The following SPINDOC variants were observed in gnomAD, a reference collection of about 807,000 sequenced individuals.
SPINDOC encodes spindlin interactor and repressor of chromatin-binding protein.
A neutral mutation model predicts 30.7 loss-of-function variants in SPINDOC; 13 were observed. That is an observed-to-expected ratio of 0.42 (90% CI 0.28 to 0.67). The LOEUF is 0.67. Ranked by LOEUF, SPINDOC falls within the 30% of genes least tolerant of loss-of-function variation. The probability of loss-of-function intolerance (pLI) is 0.22; values close to 1 mark genes in which losing one functional copy is unlikely to be tolerated. For missense variants in SPINDOC, 438 were observed against 518.0 expected (o/e 0.85, Z 1.50); for synonymous variants, 228 against 211.4 (o/e 1.08, Z -0.68).
chr11:63,824,497 T>C (rs2015604377), intron 5 of SPINDOC, among the ~76,000 whole-genome samples: 1 of 152,164 alleles, frequency 6.6e-6, no homozygotes, highest in African/African-American at 2.4e-5. Flanking sequence ...TGGCACAGCG[T>C]AGGCCCGGCT....
At chr11:63,820,398 C>CAAA (rs201624522) in intron 5 of SPINDOC, among the ~76,000 whole-genome samples, 1 of 53,852 alleles carries the variant, frequency 1.9e-5, no homozygotes, top group South Asian at 6.0e-4. Context: ...ACTCTGTCTC[C>CAAA]AAAAAAAAAA....
Position 63,827,161 on chromosome 11 carries a change from G to C in SPINDOC, c.*22G>C, listed in dbSNP as rs978763620. 4 of 1,477,662 alleles carry C rather than the reference G, an allele frequency of 2.7e-6. No individual in the cohort carries two copies. The highest frequency in any genetic ancestry group is 3.7e-6 in the Non-Finnish European group (4 of 1,082,166). The allele number at this position is 1,477,662 out of a possible 1,614,324, so 91.5% of individuals were successfully genotyped here. On this transcript the variant is annotated 3_prime_UTR_variant, in exon 6 of 6. Transcript: ENST00000294244. ...GTAAATTCTTGCTTTCCTGGGGAGG[G>C]AGGGAGGGATGAGGCAGCGTCCCCC...
chr11:63,820,327 G>A (rs2015476179), intron 5 of SPINDOC, among the ~76,000 whole-genome samples: 1 of 150,902 alleles, frequency 6.6e-6, no homozygotes, highest in Non-Finnish European at 1.5e-5. Flanking sequence ...GAACCTGGGA[G>A]GTGGAAGTTG....
At chr11:63,816,433 T>C (rs532395330) in intron 1 of SPINDOC, among the ~76,000 whole-genome samples, 22 of 152,020 alleles carry the variant, frequency 1.4e-4, no homozygotes, top group African/African-American at 4.3e-4. Flanking sequence ...GGAAGACTAG[T>C]AGGGAAGAAA....
In SPINDOC at chr11:63,818,787, C is replaced by T. The variant is rs757325870; in HGVS notation, c.734-15C>T. 2.9e-5 allele frequency: 46 copies of T among 1,613,270 alleles called. No individual in the cohort carries two copies. Among genetic ancestry groups the T allele is most frequent in the Non-Finnish European group, 3.4e-5 (40 of 1,179,986 alleles). Reference sequence around the variant, plus strand: ...GGCTTTTTCACTCACAGTTCCATCCCGTCCTCCCTTCCAGAGCCCCCATCG... The same window carrying T: ...GGCTTTTTCACTCACAGTTCCATCCTGTCCTCCCTTCCAGAGCCCCCATCG... On this transcript the variant is annotated splice_polypyrimidine_tract_variant and intron_variant, in intron 4 of 5. Transcript: ENST00000294244. The surrounding 1 kb of genome is among the most constrained non-coding windows in gnomAD (Gnocchi z 5.3).
In SPINDOC at chr11:63,817,935, C is replaced by T. The variant is rs758802424; in HGVS notation, c.258C>T (p.Ser86=). 6.8e-6 allele frequency: 11 copies of T among 1,613,926 alleles called. No individual in the cohort carries two copies. The highest frequency in any genetic ancestry group is 1.6e-4 in the Middle Eastern group (1 of 6,084). The change falls in exon 2 of 6, where the codon AGC becomes AGT. Residue 86 remains serine, a synonymous_variant. Transcript: ENST00000294244. ...EFLVGSSPGG[S]GRALCMVCGA... is the part of the protein sequence containing the mutation. ...TGGTGGGCAGCAGCCCAGGAGGCAGCGGGCGGGCACTGTGCATGGTGTGTG... is the reference window on the plus strand; with the variant it reads ...TGGTGGGCAGCAGCCCAGGAGGCAGTGGGCGGGCACTGTGCATGGTGTGTG...
chr11:63,827,363 C>T lies in SPINDOC; in HGVS notation c.*224C>T. On this transcript the variant is annotated 3_prime_UTR_variant, in exon 6 of 6. Transcript: ENST00000294244. ...TGGCTGAGGCTGTTGTGCAGTAGGG[C>T]ACTGGGCCTGTGGAGAACACCTACC... 1 of 715,174 alleles carries T rather than the reference C, an allele frequency of 1.4e-6. No homozygotes were observed. Among genetic ancestry groups the T allele is most frequent in the East Asian group, 2.8e-5 (1 of 36,078 alleles). The allele number at this position is 715,174 out of a possible 1,614,324, so 44.3% of individuals were successfully genotyped here.
In SPINDOC at chr11:63,813,795, C is replaced by A; in HGVS notation, c.109C>A (p.Pro37Thr). 1 of 1,578,728 alleles carries A rather than the reference C, an allele frequency of 6.3e-7. No homozygotes were observed. The highest frequency in any genetic ancestry group is 8.6e-7 in the Non-Finnish European group (1 of 1,163,484). ...EAMVVAVIPRPEPMLRVTQQE... is the reference protein window; with the variant it reads ...EAMVVAVIPRTEPMLRVTQQE... ...CATGGTGGTGGCCGTAATTCCGCGG[C>A]CCGAGCCGATGCTCAGAGGTGAGGA... is the stretch of plus-strand genomic sequence containing the variant. The change falls in exon 1 of 6, where the codon CCC (proline) becomes ACC (threonine). Residue 37 changes from proline to threonine, a missense_variant. This residue lies in a region of SPINDOC where 129 missense variants were observed against 152.7 expected (regional missense o/e 0.84). Transcript: ENST00000294244.
rs369432390 is a variant in SPINDOC, at chr11:63,827,096, G to A, written c.1103G>A (p.Ser368Asn). Residue 368 changes from serine to asparagine, a missense_variant, in exon 6 of 6, where the codon AGC becomes AAC. This residue lies in a region of SPINDOC where 300 missense variants were observed against 332.8 expected (regional missense o/e 0.90). Coordinates refer to ENST00000294244, the MANE Select transcript of SPINDOC (RefSeq NM_138471.3). The part of the protein sequence containing the change: ...SDWPTVLSES[S>N]TTVAGKPEKG... ...TGGCCCACAGTTCTGTCAGAATCCA[G>A]CACCACTGTGGCAGGGAAGCCGGAA... 9 of 1,465,832 alleles carry A rather than the reference G, an allele frequency of 6.1e-6. No homozygotes were observed. The highest frequency in any genetic ancestry group is 8.3e-6 in the Non-Finnish European group (9 of 1,088,794). The allele number at this position is 1,465,832 out of a possible 1,614,324, so 90.8% of individuals were successfully genotyped here.
At chr11:63,824,513 G>A (rs750612766) in intron 5 of SPINDOC, among the ~76,000 whole-genome samples, 2 of 152,140 alleles carry the variant, frequency 1.3e-5, no homozygotes, top group Non-Finnish European at 2.9e-5. Flanking sequence ...CGGCTTATGT[G>A]TTTGGTGAAT....
intron 1 of SPINDOC, among the ~76,000 whole-genome samples, chr11:63,814,279 G>A (rs1021128583): frequency 6.2e-4 from 95 of 152,382 alleles, no homozygotes; most frequent in African/African-American, 2.0e-3. Flanking sequence ...ACCTCCAGGA[G>A]AATTTTAAGG....
rs1199168829 is a variant in SPINDOC, at chr11:63,827,332, C to CGAGGGTGGCT, written c.*198_*207dup. 1 of 1,056,348 alleles carries CGAGGGTGGCT rather than the reference C, an allele frequency of 9.5e-7. No homozygotes were observed. Among genetic ancestry groups the CGAGGGTGGCT allele is most frequent in the Non-Finnish European group, 1.3e-6 (1 of 745,958 alleles). 65.4% of individuals were successfully genotyped at this position (1,056,348 alleles called of 1,614,324 possible). On this transcript the variant is annotated 3_prime_UTR_variant, in exon 6 of 6. Coordinates refer to ENST00000294244, the MANE Select transcript of SPINDOC (RefSeq NM_138471.3). The stretch of plus-strand genomic sequence containing the variant: ...TGTTCCTGGCCAGGCCTGAGGTCGG[C>CGAGGGTGGCT]GAGGGTGGCTGAGGCTGTTGTGCAG...
In SPINDOC at chr11:63,818,394, C is replaced by T. The variant is rs778822821; in HGVS notation, c.607+29C>T. The T allele has an allele frequency of 3.5e-5, 56 of 1,610,908 alleles. No homozygotes were observed. Among genetic ancestry groups the T allele is most frequent in the Non-Finnish European group, 4.2e-5 (50 of 1,178,428 alleles). On this transcript the variant is annotated intron_variant, in intron 3 of 5. Coordinates refer to ENST00000294244, the MANE Select transcript of SPINDOC (RefSeq NM_138471.3). The surrounding 1 kb of genome is among the most constrained non-coding windows in gnomAD (Gnocchi z 5.3). ...AGTCAACAGAGAAGCCAGTGAGCCCCGGTGGAGGTGGGGGTTTGGGGACAG... is the reference window on the plus strand; with the variant it reads ...AGTCAACAGAGAAGCCAGTGAGCCCTGGTGGAGGTGGGGGTTTGGGGACAG...
At chr11:63,816,376 AACTG>A (rs1471854788) in intron 1 of SPINDOC, among the ~76,000 whole-genome samples, 2 of 152,168 alleles carry the variant, frequency 1.3e-5, no homozygotes, top group Non-Finnish European at 2.9e-5. Flanking sequence ...GAAGTTGAGA[AACTG>A]ACCGCAGAGT....
At position 63,817,907 on chromosome 11, in the gene SPINDOC, T is replaced by G; in HGVS notation, c.230T>G (p.Phe77Cys). 6.2e-7 allele frequency: 1 copy of G among 1,613,892 alleles called. No homozygotes were observed. The highest frequency in any genetic ancestry group is 8.5e-7 in the Non-Finnish European group (1 of 1,179,940). Reference sequence around the variant, plus strand: ...CAGCAGGTGTCTTGGGAGCAGGAGTTCCTGGTGGGCAGCAGCCCAGGAGGC... The same window carrying G: ...CAGCAGGTGTCTTGGGAGCAGGAGTGCCTGGTGGGCAGCAGCCCAGGAGGC... Reference protein sequence around the residue: ...PKQQVSWEQEFLVGSSPGGSG... With the variant: ...PKQQVSWEQECLVGSSPGGSG... Residue 77 changes from phenylalanine to cysteine, a missense_variant, in exon 2 of 6, where the codon TTC becomes TGC. Transcript: ENST00000294244.
chr11:63,817,293 C>G (rs778238541), intron 1 of SPINDOC, among the ~76,000 whole-genome samples: 3 of 152,174 alleles, frequency 2.0e-5, no homozygotes, highest in Non-Finnish European at 4.4e-5. Flanking sequence ...CTGCAATGAG[C>G]TGAGATTACG....
intron 5 of SPINDOC, among the ~76,000 whole-genome samples, chr11:63,820,468 G>A (rs1590933889): frequency 6.6e-6 from 1 of 151,700 alleles, no homozygotes; most frequent in African/African-American, 2.4e-5. Context: ...TGTATAGAAG[G>A]GCAGATGTCC....
At chr11:63,820,845 G>C (rs374241890) in intron 5 of SPINDOC, among the ~76,000 whole-genome samples, 1 of 140,168 alleles carries the variant, frequency 7.1e-6, no homozygotes, top group Non-Finnish European at 1.5e-5. Context: ...AGTCGAGATC[G>C]CGCCACTGCA....
At position 63,813,499 on chromosome 11, in the gene SPINDOC, C is replaced by CG. The variant is rs1476808033; in HGVS notation, c.-184dup. 3 of 265,598 alleles carry CG rather than the reference C, an allele frequency of 1.1e-5. No homozygotes were observed. Among genetic ancestry groups the CG allele is most frequent in the Non-Finnish European group, 1.7e-5 (3 of 174,546 alleles). The allele number at this position is 265,598 out of a possible 1,614,324, so 16.5% of individuals were successfully genotyped here. A position where few individuals can be genotyped will look rare whatever the true frequency, so the allele number is the denominator to read the frequency against. On this transcript the variant is annotated 5_prime_UTR_variant, in exon 1 of 6. Transcript: ENST00000294244. ...CCGGGCTCCCGACGCGCCGAGGTCT[C>CG]GGGGAGGCCCGGACGCGCCGGTCGC...
Sources: allele counts gnomAD v4.1 joint callset (sites outside exome capture counted in the v4.1 genomes callset), GRCh38; gene constraint gnomAD v4.1.1; regional missense constraint gnomAD v4.1.1; non-coding constraint Gnocchi (gnomAD v3.1); transcripts MANE v1.5; gene names NCBI Gene and HGNC (gene_info 2026-07-23, HGNC 2026-07-21).